ERCC6: variants seen among roughly 807,000 people sequenced by gnomAD.
ERCC6 encodes ERCC excision repair 6, chromatin remodeling factor.
In ERCC6, 116 loss-of-function variants were observed where a neutral mutation model predicts 158.7. The ratio of observed to expected loss-of-function variants is 0.73; its 90% CI spans 0.63 to 0.85. The LOEUF is 0.85. Among genes scored for constraint, ERCC6 ranks in the 40% least tolerant of loss-of-function variants. The pLI, the probability that ERCC6 is intolerant of heterozygous loss-of-function variation, is 0.00. For missense variants in ERCC6, 1,698 were observed against 1,799.4 expected (o/e 0.94, Z 1.02); for synonymous variants, 678 against 659.3 (o/e 1.03, Z -0.43).
chr10:49,515,236 T>C (rs1836910972), intron 5 of ERCC6: 2 of 1,451,058 alleles, frequency 1.4e-6, no homozygotes, highest in Non-Finnish European at 1.8e-6. Context: ...TCCATTGTTA[T>C]GTGACGTTCC....
intron 5 of ERCC6, among the ~76,000 whole-genome samples, chr10:49,511,763 C>T (rs1247439625): frequency 6.6e-6 from 1 of 152,174 alleles, no homozygotes; most frequent in Non-Finnish European, 1.5e-5. Flanking sequence ...CCGTCTCAGG[C>T]TCCAGTGGTG....
At chr10:49,442,445 C>T in the ERCC6 span, among the ~76,000 whole-genome samples, 1 of 152,218 alleles carries the variant, frequency 6.6e-6, no homozygotes, top group Non-Finnish European at 1.5e-5. Context: ...AGGCACAAAG[C>T]TAAGGTGCTG....
chr10:49,492,051 A>C (rs1851181807), intron 8 of ERCC6, among the ~76,000 whole-genome samples: 8 of 152,250 alleles, frequency 5.3e-5, no homozygotes, highest in Admixed American at 5.2e-4. Flanking sequence ...TTTTCCATTT[A>C]TCACTTAAAA....
chr10:49,524,009 T>A (rs376744371), intron 5 of ERCC6, 24 bp downstream of exon 5: 169 of 1,611,554 alleles, frequency 1.0e-4, no homozygotes, highest in Non-Finnish European at 1.4e-4. Context: ...CAGTACAATG[T>A]ATTTATAATC....
intron 18 of ERCC6, among the ~76,000 whole-genome samples, chr10:49,465,646 G>C (rs1343634666): frequency 2.0e-5 from 3 of 152,186 alleles, no homozygotes; most frequent in African/African-American, 7.2e-5. Context: ...ATGGGGTTGG[G>C]TCTTTCCTGT....
rs1052820689 is a variant in ERCC6, at chr10:49,463,413, A to C, written c.3779-1857T>G. Among the ~76,000 whole-genome samples the C allele has an allele frequency of 8.5e-5, 13 of 152,340 alleles. No homozygotes were observed. In the South Asian group the frequency reaches 2.7e-3, roughly 32 times the overall value. On this transcript the variant is annotated intron_variant, in intron 18 of 20. Coordinates refer to ENST00000355832, the MANE Select transcript of ERCC6 (RefSeq NM_000124.4). ...TTGGGTCAACATAGCAGAGCACTCT[A>C]GCAATAAAAATTGCTAAAGGAGGAA...
rs1157047225 is a variant in ERCC6 at position 49,458,168 on chromosome 10, T to C, written c.*647A>G. ...TAAAGGAAAGCCAGGGTAAACTGAA[T>C]ACCCTACAGCTTTCCACAAATACAT... is the stretch of plus-strand genomic sequence containing the variant. On this transcript the variant is annotated 3_prime_UTR_variant, in exon 21 of 21. Coordinates refer to ENST00000355832, the MANE Select transcript of ERCC6 (RefSeq NM_000124.4). 6.6e-6 allele frequency: 1 copy of C among 152,402 alleles called. No homozygotes were observed. Among genetic ancestry groups the C allele is most frequent in the Non-Finnish European group, 1.5e-5 (1 of 68,208 alleles). The allele number at this position is 152,402 out of a possible 1,614,324, so 9.4% of individuals were successfully genotyped here.
chr10:49,521,562 G>C (rs1053514662), intron 5 of ERCC6, among the ~76,000 whole-genome samples: 2 of 152,196 alleles, frequency 1.3e-5, no homozygotes, highest in African/African-American at 2.4e-5. Flanking sequence ...TGTTTTACAA[G>C]ACCTGTATAC....
intron 5 of ERCC6, chr10:49,515,723 G>A: frequency 1.2e-6 from 2 of 1,614,138 alleles, no homozygotes; most frequent in South Asian, 1.1e-5. Flanking sequence ...CATCAGCTCT[G>A]TCTACGCCTC....
In ERCC6 at chr10:49,459,198, G is replaced by A. The variant is rs1427754416; in HGVS notation, c.4099C>T (p.Pro1367Ser). 1.2e-6 allele frequency: 2 copies of A among 1,614,046 alleles called. No homozygotes were observed. The highest frequency in any genetic ancestry group is 2.2e-5 in the South Asian group (2 of 91,076). Residue 1367 changes from proline to serine, a missense_variant, in exon 21 of 21, where the codon CCT becomes TCT. Transcript: ENST00000355832. Reference sequence around the variant, plus strand: ...TCTGCTCTTCCACTAAAATGCTCAGGGACATTATCTTTTCCCTCCTTTTTC... The same window carrying A: ...TCTGCTCTTCCACTAAAATGCTCAGAGACATTATCTTTTCCCTCCTTTTTC... ...IMKKEGKDNVPEHFSGRAEDA... is the reference protein window; with the variant it reads ...IMKKEGKDNVSEHFSGRAEDA...
In ERCC6 at chr10:49,460,420, A is replaced by G. The variant is rs116715649; in HGVS notation, c.4015T>C (p.Phe1339Leu). 54 of 1,613,682 alleles carry G rather than the reference A, an allele frequency of 3.3e-5. No homozygotes were observed. In the Middle Eastern group the frequency reaches 8.2e-4, roughly 25 times the overall value. Residue 1339 changes from phenylalanine to leucine, a missense_variant, in exon 20 of 21, where the codon TTC becomes CTC. Transcript: ENST00000355832. Reference protein sequence around the residue: ...SRFGKKRNSNFSVQHPSSTSP... With the variant: ...SRFGKKRNSNLSVQHPSSTSP... ...GTTGATGAAGGATGCTGCACAGAGAAGTTAGAATTCCTTTTCTTACCAAAT... is the reference window on the plus strand; with the variant it reads ...GTTGATGAAGGATGCTGCACAGAGAGGTTAGAATTCCTTTTCTTACCAAAT...
In ERCC6 at chr10:49,524,798, C is replaced by T. The variant is rs200147578; in HGVS notation, c.653-21G>A. 2.2e-4 allele frequency: 350 copies of T among 1,599,266 alleles called. 2 individuals are homozygous for T. The highest frequency in any genetic ancestry group is 5.3e-4 in the African/African-American group (40 of 75,012). On this transcript the variant is annotated intron_variant, in intron 4 of 20. Transcript: ENST00000355832. ...CGGCTCTGAAAGAACAATAGCAATG[C>T]GTTTCGCACTAGCATGAAACTTTCC...
At chr10:49,487,651 G>A (rs925432989) in intron 8 of ERCC6, among the ~76,000 whole-genome samples, 2 of 152,110 alleles carry the variant, frequency 1.3e-5, no homozygotes, top group African/African-American at 4.8e-5. Flanking sequence ...TAGTGTAGCT[G>A]GAGCTTTCCC....
intron 8 of ERCC6, among the ~76,000 whole-genome samples, chr10:49,490,032 G>A (rs10857498): frequency 3.9e-5 from 6 of 152,018 alleles, no homozygotes; most frequent in Admixed American, 1.3e-4. Context: ...AAAGGATCAC[G>A]AAATATAATC....
chr10:49,480,536 AAAGAT>A (rs1354926135), intron 10 of ERCC6, among the ~76,000 whole-genome samples: 1 of 152,234 alleles, frequency 6.6e-6, no homozygotes, highest in African/African-American at 2.4e-5. Flanking sequence ...GGAAGGGGAG[AAAGAT>A]AAGTACACAA....
chr10:49,437,554 T>C, the ERCC6 span, among the ~76,000 whole-genome samples: 2 of 152,150 alleles, frequency 1.3e-5, no homozygotes, highest in African/African-American at 4.8e-5. Context: ...GACAGGTAGC[T>C]GTGAGTTATT....
intron 8 of ERCC6, among the ~76,000 whole-genome samples, chr10:49,491,191 C>A (rs536942774): frequency 5.8e-4 from 89 of 152,232 alleles, no homozygotes; most frequent in African/African-American, 2.1e-3. Context: ...TGTGTCGTCA[C>A]CACAAATAAG....
rs767997161 is a variant in ERCC6, at chr10:49,471,114, G to T, written c.2931C>A (p.Ile977=). ...CTCTATTTGTCAAAAACTGCTTGAA[G>T]ATTTGTCTAAAAAAATAAAAGATAA... is the stretch of plus-strand genomic sequence containing the variant. ...TIEEKIYHRQ[I]FKQFLTNRVL... The change falls in exon 17 of 21, where the codon ATC becomes ATA. Residue 977 remains isoleucine, a synonymous_variant. Transcript: ENST00000355832. 4.3e-6 allele frequency: 7 copies of T among 1,613,660 alleles called. No individual in the cohort carries two copies. The highest frequency in any genetic ancestry group is 5.9e-6 in the Non-Finnish European group (7 of 1,179,918).
Position 49,506,064 on chromosome 10 carries a change from T to G in ERCC6, c.1398-52A>C, listed in dbSNP as rs577738925. On this transcript the variant is annotated intron_variant, in intron 5 of 20. Coordinates refer to ENST00000355832, the MANE Select transcript of ERCC6 (RefSeq NM_000124.4). ...CCATTATTTTGATCACAAGACAGAT[T>G]TAAAAAGATAGCTCCTGATAATGTA... 4 of 1,604,208 alleles carry G rather than the reference T, an allele frequency of 2.5e-6. No individual in the cohort carries two copies. The East Asian group carries it at 8.9e-5, about 36-fold the overall frequency.
Sources: gnomAD v4.1 joint callset for allele counts (sites outside exome capture counted in the v4.1 genomes callset) on GRCh38, gnomAD v4.1.1 for gene constraint, MANE v1.5 for transcripts, NCBI Gene and HGNC (gene_info 2026-07-23, HGNC 2026-07-21) for gene names.